Variants in GRIK1 observed in about 807,000 individuals in gnomAD.
The protein encoded by GRIK1 is glutamate ionotropic receptor kainate type subunit 1, also known as glutamate receptor ionotropic, kainate 1.
Under a neutral mutation model 105.7 loss-of-function variants are expected in GRIK1, and 69 were observed. The observed-to-expected ratio is 0.65, with a 90% CI of 0.54 to 0.80. GRIK1 has a LOEUF of 0.80. Ranked by LOEUF, GRIK1 falls within the 30% of genes least tolerant of loss-of-function variation. GRIK1 has a pLI of 0.00. For synonymous variants in GRIK1, 438 were observed against 431.3 expected (o/e 1.02, Z -0.19); for missense variants, 1,109 against 1,167.3 (o/e 0.95, Z 0.73).
chr21:29,931,640 T>C (rs1302667437), intron 1 of GRIK1, among the ~76,000 whole-genome samples: 1 of 152,148 alleles, frequency 6.6e-6, no homozygotes. Flanking sequence ...TCCAGAATCA[T>C]CTTATGTATC....
intron 12 of GRIK1, chr21:29,582,175 G>A (rs1336095034): frequency 3.3e-6 from 1 of 304,340 alleles, no homozygotes; most frequent in African/African-American, 2.2e-5. Flanking sequence ...TGATCCTAAA[G>A]GAAGAGACAA....
intron 1 of GRIK1, among the ~76,000 whole-genome samples, chr21:29,781,109 T>C (rs2066086533): frequency 1.3e-5 from 2 of 152,206 alleles, no homozygotes; most frequent in Admixed American, 6.5e-5. Context: ...ATGAGTATTC[T>C]TTAAGACATC....
intron 1 of GRIK1, among the ~76,000 whole-genome samples, chr21:29,725,794 A>G (rs1340182864): frequency 6.6e-6 from 1 of 152,234 alleles, no homozygotes; most frequent in East Asian, 1.9e-4. Context: ...GAGGACTTCA[A>G]AATAAAATTA....
chr21:29,614,835 C>T (rs1343202113), intron 7 of GRIK1, among the ~76,000 whole-genome samples: 1 of 151,570 alleles, frequency 6.6e-6, no homozygotes, highest in Non-Finnish European at 1.5e-5. Flanking sequence ...GTAGATGCTT[C>T]CCCAGACTTT....
intron 1 of GRIK1, among the ~76,000 whole-genome samples, chr21:29,904,566 C>T (rs1235147398): frequency 6.6e-6 from 1 of 152,142 alleles, no homozygotes; most frequent in East Asian, 1.9e-4. Context: ...CCCTCAATGA[C>T]TCACGCTTCT....
intron 1 of GRIK1, among the ~76,000 whole-genome samples, chr21:29,756,304 C>A (rs563346167): frequency 2.0e-5 from 3 of 152,032 alleles, no homozygotes; most frequent in African/African-American, 7.2e-5. Flanking sequence ...TGGCGTGAAC[C>A]GGGGAGGCAG....
At chr21:29,777,045 G>A (rs547983266) in intron 1 of GRIK1, among the ~76,000 whole-genome samples, 1 of 152,260 alleles carries the variant, frequency 6.6e-6, no homozygotes, top group African/African-American at 2.4e-5. Context: ...ATCCCTGACT[G>A]TACATTAGAG....
chr21:29,740,845 G>T (rs2064909201), intron 1 of GRIK1, among the ~76,000 whole-genome samples: 1 of 152,208 alleles, frequency 6.6e-6, no homozygotes, highest in Non-Finnish European at 1.5e-5. Context: ...GACTCAGGGG[G>T]TTGAGAGGTT....
At chr21:29,782,564 CTGAT>C (rs989558545) in intron 1 of GRIK1, among the ~76,000 whole-genome samples, 2 of 152,276 alleles carry the variant, frequency 1.3e-5, no homozygotes, top group East Asian at 1.9e-4. Flanking sequence ...CAGGCTTACT[CTGAT>C]TGATTCTGTG....
chr21:29,830,356 C>A (rs2067596822), intron 1 of GRIK1, among the ~76,000 whole-genome samples: 2 of 63,744 alleles, frequency 3.1e-5, no homozygotes, highest in African/African-American at 7.6e-5. Context: ...CACACACACA[C>A]ACACACTCAC....
intron 1 of GRIK1, among the ~76,000 whole-genome samples, chr21:29,871,366 C>T (rs537062977): frequency 5.9e-5 from 9 of 152,248 alleles, no homozygotes; most frequent in South Asian, 4.1e-4. Context: ...ACAAACCCAA[C>T]GAATTAGGTA....
At chr21:29,801,780 T>C (rs1354753265) in intron 1 of GRIK1, among the ~76,000 whole-genome samples, 1 of 152,222 alleles carries the variant, frequency 6.6e-6, no homozygotes, top group African/African-American at 2.4e-5. Context: ...TCTTCTACAA[T>C]TATAGCCCAG....
At chr21:29,596,202 A>G (rs777451002) in intron 9 of GRIK1, 1 of 425,954 alleles carries the variant, frequency 2.3e-6, no homozygotes, top group Non-Finnish European at 4.4e-6. Flanking sequence ...GAAGGAATAT[A>G]AATAGGTCAG....
intron 17 of GRIK1, 65 bp from the exon 18 acceptor site, chr21:29,537,450 T>C: frequency 7.7e-7 from 1 of 1,296,632 alleles, no homozygotes; most frequent in Non-Finnish European, 1.1e-6. Flanking sequence ...TTGACCTGCC[T>C]CTTGCCTAGG....
chr21:29,875,902 G>C (rs2069174489), intron 1 of GRIK1, among the ~76,000 whole-genome samples: 1 of 152,134 alleles, frequency 6.6e-6, no homozygotes, highest in Admixed American at 6.5e-5. Flanking sequence ...AGTCCCTGCT[G>C]GAAAAGCTGG....
intron 1 of GRIK1, among the ~76,000 whole-genome samples, chr21:29,874,782 G>A (rs943359314): frequency 6.6e-6 from 1 of 152,208 alleles, no homozygotes; most frequent in African/African-American, 2.4e-5. Context: ...GTGAGAGACA[G>A]AATAAAGCTC....
At chr21:29,755,757 G>A (rs1445047739) in intron 1 of GRIK1, among the ~76,000 whole-genome samples, 2 of 152,136 alleles carry the variant, frequency 1.3e-5, no homozygotes, top group Non-Finnish European at 2.9e-5. Context: ...TCTGAAAACA[G>A]GACTATTAGA....
chr21:29,603,351 T>A (rs2061553988), intron 7 of GRIK1, among the ~76,000 whole-genome samples: 1 of 151,940 alleles, frequency 6.6e-6, no homozygotes, highest in Non-Finnish European at 1.5e-5. Context: ...TAAAAAGAAA[T>A]ACTTCTTCAG....
intron 16 of GRIK1, among the ~76,000 whole-genome samples, chr21:29,544,790 T>C (rs113176518): frequency 0.014 from 2,062 of 151,982 alleles, 45 homozygotes; most frequent in African/African-American, 0.048. Context: ...GAGGATGGAG[T>C]GTAAAGAAAG....
Sources: allele counts gnomAD v4.1 joint callset (sites outside exome capture counted in the v4.1 genomes callset), GRCh38; gene constraint gnomAD v4.1.1; transcripts MANE v1.5; gene names NCBI Gene and HGNC (gene_info 2026-07-23, HGNC 2026-07-21).